Variants in CHSY3 observed in about 807,000 individuals in gnomAD.
CHSY3 encodes the protein N-acetylgalactosaminyl-proteoglycan 3-beta-glucuronosyltransferase 3.
In CHSY3, 35 loss-of-function variants were observed where a neutral mutation model predicts 67.2. The observed-to-expected ratio is 0.52, with a 90% CI of 0.40 to 0.69. The LOEUF (loss-of-function observed/expected upper bound fraction) is 0.69. Ranked by LOEUF, CHSY3 falls within the 30% of genes least tolerant of loss-of-function variation. The pLI is 0.00. For missense variants in CHSY3, 1,069 were observed against 1,138.5 expected (o/e 0.94, Z 0.88); for synonymous variants, 474 against 434.7 (o/e 1.09, Z -1.12).
chr5:130,172,654 C>G (rs1318571040), intron 2 of CHSY3, among the ~76,000 whole-genome samples: 3 of 152,086 alleles, frequency 2.0e-5, no homozygotes, highest in Non-Finnish European at 4.4e-5. Flanking sequence ...TTGAAGTGTA[C>G]AATTCAGTAG....
chr5:129,916,274 T>G (rs1760726173), intron 2 of CHSY3, among the ~76,000 whole-genome samples: 1 of 152,124 alleles, frequency 6.6e-6, no homozygotes, highest in African/African-American at 2.4e-5. Flanking sequence ...AGATCTATAG[T>G]TATGCTTTGC....
At position 130,085,869 on chromosome 5, in the gene CHSY3, T is replaced by C. The variant is rs921754374; in HGVS notation, c.1087-98360T>C. Among the ~76,000 whole-genome samples the C allele has an allele frequency of 9.9e-5, 15 of 152,040 alleles. No individual in the cohort carries two copies. In the East Asian group the frequency reaches 1.4e-3, roughly 14 times the overall value. On this transcript the variant is annotated intron_variant, in intron 2 of 2. Coordinates refer to ENST00000305031, the MANE Select transcript of CHSY3 (RefSeq NM_175856.5). Reference sequence around the variant, plus strand: ...TTTCTGCCTTCATTTCGTTATGTACTGAGTAGTCATTCAGGAGCAGGTTGT... The same window carrying C: ...TTTCTGCCTTCATTTCGTTATGTACCGAGTAGTCATTCAGGAGCAGGTTGT...
intron 2 of CHSY3, among the ~76,000 whole-genome samples, chr5:130,149,119 C>T (rs1342489208): frequency 2.6e-5 from 4 of 152,108 alleles, no homozygotes; most frequent in African/African-American, 9.7e-5. Flanking sequence ...ATATGGCTAG[C>T]CAGTTATCCC....
At chr5:130,180,656 C>G (rs1290556183) in intron 2 of CHSY3, among the ~76,000 whole-genome samples, 1 of 151,724 alleles carries the variant, frequency 6.6e-6, no homozygotes, top group Non-Finnish European at 1.5e-5. Context: ...AGTCCAAGAC[C>G]AGCCTAGGCA....
intron 2 of CHSY3, among the ~76,000 whole-genome samples, chr5:129,984,639 C>T (rs1162974490): frequency 6.6e-6 from 1 of 152,024 alleles, no homozygotes; most frequent in Admixed American, 6.5e-5. Context: ...TACATTACCC[C>T]AGAACTGTAC....
At chr5:129,911,212 T>A (rs1435796267) in intron 2 of CHSY3, among the ~76,000 whole-genome samples, 2 of 152,014 alleles carry the variant, frequency 1.3e-5, no homozygotes, top group African/African-American at 4.8e-5. Context: ...TTATATTTTT[T>A]AAAAATCCAG....
intron 2 of CHSY3, among the ~76,000 whole-genome samples, chr5:130,124,622 A>T (rs1277741187): frequency 6.6e-6 from 1 of 151,966 alleles, no homozygotes; most frequent in Non-Finnish European, 1.5e-5. Context: ...CACTTGGTTA[A>T]TTTTTTTAAT....
At chr5:129,967,806 T>G (rs997608786) in intron 2 of CHSY3, among the ~76,000 whole-genome samples, 2 of 151,844 alleles carry the variant, frequency 1.3e-5, no homozygotes, top group African/African-American at 2.4e-5. Flanking sequence ...TTTTCCTAAG[T>G]GTTTGAAATC....
At position 129,945,835 on chromosome 5, in the gene CHSY3, A is replaced by G. The variant is rs577473113; in HGVS notation, c.1086+37475A>G. On this transcript the variant is annotated intron_variant, in intron 2 of 2. Coordinates refer to ENST00000305031, the MANE Select transcript of CHSY3 (RefSeq NM_175856.5). Reference sequence around the variant, plus strand: ...AGGAAAAAAACATGCGTTATTGAACACTAGCTTCCAAGTTTTGCCAATAAG... The same window carrying G: ...AGGAAAAAAACATGCGTTATTGAACGCTAGCTTCCAAGTTTTGCCAATAAG... Among the ~76,000 whole-genome samples the G allele has an allele frequency of 1.7e-4, 26 of 152,328 alleles. No homozygotes were observed. In the South Asian group the frequency reaches 2.3e-3, roughly 13 times the overall value.
intron 2 of CHSY3, among the ~76,000 whole-genome samples, chr5:129,979,050 A>G (rs568138264): frequency 6.6e-6 from 1 of 151,786 alleles, no homozygotes; most frequent in East Asian, 1.9e-4. Context: ...TACAAAAAAA[A>G]TTAGCCGGGT....
At chr5:129,975,764 A>ATGAT (rs1762787460) in intron 2 of CHSY3, among the ~76,000 whole-genome samples, 1 of 152,184 alleles carries the variant, frequency 6.6e-6, no homozygotes, top group African/African-American at 2.4e-5. Context: ...TTTGGTGATG[A>ATGAT]TGATGGTGAC....
intron 2 of CHSY3, among the ~76,000 whole-genome samples, chr5:130,160,074 A>G (rs899195446): frequency 6.6e-6 from 1 of 152,222 alleles, no homozygotes; most frequent in Non-Finnish European, 1.5e-5. Flanking sequence ...TTTAAAGATT[A>G]TTCCATCTGA....
intron 2 of CHSY3, among the ~76,000 whole-genome samples, chr5:130,112,232 A>G (rs1186901699): frequency 6.6e-6 from 1 of 152,156 alleles, no homozygotes; most frequent in Non-Finnish European, 1.5e-5. Flanking sequence ...ATGGATATCA[A>G]TAGCACACCT....
At chr5:130,069,375 G>T (rs1040833605) in intron 2 of CHSY3, among the ~76,000 whole-genome samples, 1 of 152,010 alleles carries the variant, frequency 6.6e-6, no homozygotes, top group African/African-American at 2.4e-5. Context: ...ATATGGCCAG[G>T]CATGGTGATT....
intron 2 of CHSY3, among the ~76,000 whole-genome samples, chr5:130,126,490 G>T (rs908695141): frequency 6.6e-6 from 1 of 151,978 alleles, no homozygotes; most frequent in Non-Finnish European, 1.5e-5. Flanking sequence ...TTTTTTCTCT[G>T]CATTGATAAG....
intron 2 of CHSY3, among the ~76,000 whole-genome samples, chr5:130,133,771 TAAAAAAAAAAAAAAAAAAAAAAAAGA>T (rs1242626563): frequency 5.2e-5 from 3 of 58,120 alleles, no homozygotes; most frequent in African/African-American, 2.3e-4. Context: ...GACTCCGTCT[TAAAAAAAAAAAAAAAAAAAAAAAAGA>T]AAAAAAAAAA....
chr5:129,942,796 T>A (rs1761737033), intron 2 of CHSY3, among the ~76,000 whole-genome samples: 1 of 152,164 alleles, frequency 6.6e-6, no homozygotes, highest in Non-Finnish European at 1.5e-5. Flanking sequence ...GTCATGGATT[T>A]GGCAGATAGA....
chr5:129,947,533 G>A (rs1427725701), intron 2 of CHSY3, among the ~76,000 whole-genome samples: 3 of 151,562 alleles, frequency 2.0e-5, no homozygotes, highest in Admixed American at 6.6e-5. Flanking sequence ...TGAGACATAA[G>A]AATCACTTGA....
intron 2 of CHSY3, among the ~76,000 whole-genome samples, chr5:130,025,917 T>G (rs1764529121): frequency 6.6e-6 from 1 of 152,174 alleles, no homozygotes; most frequent in South Asian, 2.1e-4. Context: ...TAATTCGTTT[T>G]GACCACCATT....
Sources: allele counts gnomAD v4.1 joint callset (sites outside exome capture counted in the v4.1 genomes callset), GRCh38; gene constraint gnomAD v4.1.1; transcripts MANE v1.5; gene names NCBI Gene and HGNC (gene_info 2026-07-23, HGNC 2026-07-21).